Variants in ARFIP1 observed in about 807,000 individuals in gnomAD.
ARFIP1 encodes arfaptin-1.
In ARFIP1, 24 loss-of-function variants were observed where a neutral mutation model predicts 42.5. That is an observed-to-expected ratio of 0.57 (90% CI 0.41 to 0.80). The LOEUF is 0.80. ARFIP1 is among the 30% of genes least tolerant of loss of function. The pLI, the probability that ARFIP1 is intolerant of heterozygous loss-of-function variation, is 0.00. For missense variants in ARFIP1, 354 were observed against 434.0 expected, an observed-to-expected ratio of 0.82 and a Z score of 1.64; for synonymous variants, 141 against 153.7, an observed-to-expected ratio of 0.92 and a Z score of 0.61.
chr4:152,883,470 A>G (rs774935554), intron 7 of ARFIP1, among the ~76,000 whole-genome samples: 1 of 152,144 alleles, frequency 6.6e-6, no homozygotes, highest in African/African-American at 2.4e-5. Context: ...GATATCAGTC[A>G]TCTTCCATTT....
chr4:152,892,954 T>C (rs532627719), intron 8 of ARFIP1, among the ~76,000 whole-genome samples: 1 of 152,350 alleles, frequency 6.6e-6, no homozygotes, highest in East Asian at 1.9e-4. Context: ...CTTTAAATAA[T>C]GTAACTTGAG....
At chr4:152,833,353 T>A (rs1292354396) in intron 2 of ARFIP1, among the ~76,000 whole-genome samples, 4 of 152,092 alleles carry the variant, frequency 2.6e-5, no homozygotes, top group Non-Finnish European at 5.9e-5. Context: ...AGTTCATACC[T>A]ATTAGGATGA....
chr4:152,878,024 C>G (rs575036306), intron 5 of ARFIP1, among the ~76,000 whole-genome samples: 1 of 152,278 alleles, frequency 6.6e-6, no homozygotes, highest in Admixed American at 6.5e-5. Context: ...TCAGAGTACA[C>G]AGTTGACTGT....
intron 2 of ARFIP1, among the ~76,000 whole-genome samples, chr4:152,862,957 G>A (rs140913887): frequency 6.6e-6 from 1 of 152,224 alleles, no homozygotes; most frequent in African/African-American, 2.4e-5. Context: ...ACTTAACTAG[G>A]ATTGTGCCTT....
intron 2 of ARFIP1, among the ~76,000 whole-genome samples, chr4:152,855,671 C>T (rs956161088): frequency 6.6e-6 from 1 of 152,194 alleles, no homozygotes; most frequent in East Asian, 1.9e-4. Flanking sequence ...TCTCAGGGAG[C>T]ATGTGGGACC....
At chr4:152,891,436 CAG>C (rs1561175400) in intron 8 of ARFIP1, among the ~76,000 whole-genome samples, 1 of 152,144 alleles carries the variant, frequency 6.6e-6, no homozygotes, top group Non-Finnish European at 1.5e-5. Context: ...TAGAAGAAGA[CAG>C]AGATCCATGA....
At chr4:152,886,975 A>G (rs946419562) in intron 7 of ARFIP1, among the ~76,000 whole-genome samples, 5 of 152,048 alleles carry the variant, frequency 3.3e-5, no homozygotes, top group Admixed American at 3.3e-4. Context: ...TTCTCAAGTC[A>G]TATATACAAT....
chr4:152,800,932 A>T (rs1053077952), intron 1 of ARFIP1, among the ~76,000 whole-genome samples: 7 of 152,282 alleles, frequency 4.6e-5, no homozygotes, highest in Middle Eastern at 6.8e-3. Context: ...CGTGGGTACA[A>T]TTTGAACTAC....
chr4:152,865,761 A>C (rs967826434), intron 3 of ARFIP1, among the ~76,000 whole-genome samples: 32 of 152,316 alleles, frequency 2.1e-4, no homozygotes, highest in Admixed American at 9.1e-4. Flanking sequence ...AGTGCTGAAA[A>C]ACGTAAGGCT....
chr4:152,822,244 A>G (rs1730429990), intron 1 of ARFIP1, among the ~76,000 whole-genome samples: 3 of 151,208 alleles, frequency 2.0e-5, no homozygotes, highest in Admixed American at 6.6e-5. Flanking sequence ...AATCAAAAGC[A>G]AGCAAGAGTA....
In ARFIP1 at chr4:152,911,283, G is replaced by T. The variant is rs759507681; in HGVS notation, c.*1064G>T. On this transcript the variant is annotated 3_prime_UTR_variant, in exon 9 of 9. Transcript: ENST00000353617. Reference sequence around the variant, plus strand: ...TTGTACTTGTTAAGCCACATTTGAGGTTTATGGTAAAAATCATCTTTTGAG... The same window carrying T: ...TTGTACTTGTTAAGCCACATTTGAGTTTTATGGTAAAAATCATCTTTTGAG... 2 of 152,604 alleles carry T rather than the reference G, an allele frequency of 1.3e-5. No individual in the cohort carries two copies. Among genetic ancestry groups the T allele is most frequent in the Non-Finnish European group, 2.9e-5 (2 of 68,018 alleles). 9.5% of individuals were successfully genotyped at this position (152,604 alleles called of 1,614,324 possible). A position where few individuals can be genotyped will look rare whatever the true frequency, so the allele number is the denominator to read the frequency against.
intron 4 of ARFIP1, among the ~76,000 whole-genome samples, chr4:152,871,194 G>C (rs1214972502): frequency 6.6e-6 from 1 of 152,128 alleles, no homozygotes; most frequent in Non-Finnish European, 1.5e-5. Flanking sequence ...TCTATTTTCA[G>C]TTAAAGGAAA....
chr4:152,783,709 G>A (rs1167067394), intron 1 of ARFIP1, among the ~76,000 whole-genome samples: 2 of 152,182 alleles, frequency 1.3e-5, no homozygotes, highest in African/African-American at 4.8e-5. Flanking sequence ...AGAAAAGGTT[G>A]TTTCCTTTCT....
intron 2 of ARFIP1, among the ~76,000 whole-genome samples, chr4:152,848,568 A>C (rs540834895): frequency 6.6e-6 from 1 of 152,324 alleles, no homozygotes; most frequent in African/African-American, 2.4e-5. Flanking sequence ...GCAATATCAT[A>C]CACTACGATC....
Position 152,808,283 on chromosome 4 carries a change from A to ATTTTTTTTTTTTTTTTTTTTTTTT in ARFIP1, c.-9-21331_-9-21308dup, listed in dbSNP as rs61135783. ...GTGTGAGCCACCACGCCTGGCCTCC[A>ATTTTTTTTTTTTTTTTTTTTTTTT]TTTTTTTTTTTTTTTTTTTTTTTTT... On this transcript the variant is annotated intron_variant, in intron 1 of 8. Transcript: ENST00000353617. Among the ~76,000 whole-genome samples, 40 of 20,316 alleles carry ATTTTTTTTTTTTTTTTTTTTTTTT rather than the reference A, an allele frequency of 2.0e-3. 4 individuals are homozygous for ATTTTTTTTTTTTTTTTTTTTTTTT. The highest frequency in any genetic ancestry group is 4.6e-3 in the South Asian group (3 of 646). The allele number at this position is 20,316 out of a possible 152,430, so 13.3% of individuals were successfully genotyped here.
intron 2 of ARFIP1, 44 bp from the exon 3 acceptor site, chr4:152,863,562 G>T (rs768964016): frequency 1.3e-5 from 15 of 1,125,204 alleles, no homozygotes; most frequent in Admixed American, 3.7e-5. Flanking sequence ...ACGTCATGTG[G>T]GATTTTTTTA....
intron 1 of ARFIP1, among the ~76,000 whole-genome samples, chr4:152,784,793 A>G (rs1439153382): frequency 2.0e-5 from 3 of 152,276 alleles, no homozygotes; most frequent in Non-Finnish European, 2.9e-5. Context: ...TCTTTTGTGA[A>G]AATATGGCAG....
At chr4:152,840,713 C>CTTTTT (rs764318893) in intron 2 of ARFIP1, among the ~76,000 whole-genome samples, 6 of 107,790 alleles carry the variant, frequency 5.6e-5, no homozygotes, top group Non-Finnish European at 7.3e-5. Context: ...GGCTCTGTAT[C>CTTTTT]TTTTTTTTTT....
intron 8 of ARFIP1, among the ~76,000 whole-genome samples, chr4:152,890,731 A>G (rs1736775101): frequency 6.6e-6 from 1 of 152,134 alleles, no homozygotes; most frequent in South Asian, 2.1e-4. Flanking sequence ...CTCAAGTGGA[A>G]ACAATTGGTA....
Sources: gnomAD v4.1 joint callset for allele counts (sites outside exome capture counted in the v4.1 genomes callset) on GRCh38, gnomAD v4.1.1 for gene constraint, MANE v1.5 for transcripts, NCBI Gene and HGNC (gene_info 2026-07-23, HGNC 2026-07-21) for gene names.